GRID2: variants seen among roughly 807,000 people sequenced by gnomAD.
GRID2 encodes glutamate receptor ionotropic, delta-2.
Under a neutral mutation model 114.8 loss-of-function variants are expected in GRID2, and 33 were observed. The observed-to-expected ratio is 0.29, with a 90% CI of 0.22 to 0.38. GRID2 has a LOEUF of 0.38. Among genes scored for constraint, GRID2 ranks in the 10% least tolerant of loss-of-function variants. GRID2 has a pLI of 1.00. For missense variants in GRID2, 1,184 were observed against 1,257.7 expected, an observed-to-expected ratio of 0.94 and a Z score of 0.89; for synonymous variants, 505 against 449.9, an observed-to-expected ratio of 1.12 and a Z score of -1.55.
chr4:92,374,355 G>GA (rs1729257823), intron 1 of GRID2, among the ~76,000 whole-genome samples: 1 of 152,040 alleles, frequency 6.6e-6, no homozygotes, highest in African/African-American at 2.4e-5. Flanking sequence ...CTGTCAACCA[G>GA]AAAAAATTTT....
chr4:92,589,992 G>A (rs1259508880), intron 1 of GRID2, 139 bp from the exon 2 acceptor site: 40 of 605,730 alleles, frequency 6.6e-5, no homozygotes, highest in Middle Eastern at 3.5e-4. Flanking sequence ...CCAGTACAAT[G>A]TGTTTCATTA....
chr4:93,285,199 A>G (rs1753023941), intron 8 of GRID2, among the ~76,000 whole-genome samples: 2 of 152,158 alleles, frequency 1.3e-5, no homozygotes, highest in South Asian at 4.1e-4. Context: ...ATTCATGATG[A>G]CCTGAATAGT....
intron 2 of GRID2, among the ~76,000 whole-genome samples, chr4:92,897,418 TTTTG>T (rs1339071417): frequency 1.3e-5 from 2 of 152,168 alleles, no homozygotes; most frequent in Non-Finnish European, 2.9e-5. Flanking sequence ...AAAGTTCCTA[TTTTG>T]TTTGTTTTAA....
chr4:93,375,035 A>G lies in GRID2; in HGVS notation c.1246-20572A>G, dbSNP rs545812187. On this transcript the variant is annotated intron_variant, in intron 8 of 15. Coordinates refer to ENST00000282020, the MANE Select transcript of GRID2 (RefSeq NM_001510.4). ...TAACAACATTAGATTTGTACAGGGA[A>G]GGACCAGGGAATGGCATTCCAAAGC... Among the ~76,000 whole-genome samples, 146 of 152,236 alleles carry G rather than the reference A, an allele frequency of 9.6e-4. 2 individuals are homozygous for G. The highest frequency in any genetic ancestry group is 1.7e-3 in the Non-Finnish European group (116 of 68,014).
chr4:92,846,718 T>C (rs1743351516), intron 2 of GRID2, among the ~76,000 whole-genome samples: 1 of 152,120 alleles, frequency 6.6e-6, no homozygotes. Context: ...GTGAATTCTT[T>C]ACTCACCCTT....
At chr4:92,775,978 C>A (rs1038593620) in intron 2 of GRID2, among the ~76,000 whole-genome samples, 1 of 151,976 alleles carries the variant, frequency 6.6e-6, no homozygotes, top group African/African-American at 2.4e-5. Flanking sequence ...GATTGTCATA[C>A]GGAAGATAAT....
intron 10 of GRID2, among the ~76,000 whole-genome samples, chr4:93,426,056 A>G (rs1254293146): frequency 1.3e-5 from 2 of 152,176 alleles, no homozygotes; most frequent in Non-Finnish European, 2.9e-5. Context: ...AGGCTAGAGG[A>G]TCTAACCTAA....
intron 1 of GRID2, among the ~76,000 whole-genome samples, chr4:93,784,990 T>C (rs1047142683): frequency 2.0e-5 from 3 of 152,198 alleles, no homozygotes; most frequent in African/African-American, 7.2e-5. Flanking sequence ...GTTTTGGAAC[T>C]GAGCCTTGAA....
intron 2 of GRID2, among the ~76,000 whole-genome samples, chr4:93,057,204 T>C (rs1727339615): frequency 6.6e-6 from 1 of 151,088 alleles, no homozygotes; most frequent in Non-Finnish European, 1.5e-5. Context: ...GACAGAGATT[T>C]CTTAGACATC....
At position 93,238,419 on chromosome 4, in the gene GRID2, G is replaced by C; in HGVS notation, c.1174G>C (p.Gly392Arg). 6.2e-7 allele frequency: 1 copy of C among 1,606,640 alleles called. No homozygotes were observed. ...AGAGCTAGAATTTGGAGAAAATGGA[G>C]GCAATCCCAATGTCCACTTTGAAAT... The part of the protein sequence containing the change: ...TGELEFGENG[G>R]NPNVHFEILG... The change falls in exon 8 of 16, where the codon GGC becomes CGC. Residue 392 changes from glycine to arginine, a missense_variant. Gly to Arg is a moderately radical substitution (Grantham distance 125). Coordinates refer to ENST00000282020, the MANE Select transcript of GRID2 (RefSeq NM_001510.4).
intron 1 of GRID2, among the ~76,000 whole-genome samples, chr4:92,340,307 C>T (rs1464312952): frequency 6.6e-6 from 1 of 152,192 alleles, no homozygotes; most frequent in South Asian, 2.1e-4. Flanking sequence ...TATTCCTGCT[C>T]AGTCCAATCT....
At chr4:93,293,187 T>A (rs982055683) in intron 8 of GRID2, among the ~76,000 whole-genome samples, 1 of 151,990 alleles carries the variant, frequency 6.6e-6, no homozygotes, top group Non-Finnish European at 1.5e-5. Flanking sequence ...AGAAAAAAAA[T>A]TGTGAGGTAA....
intron 1 of GRID2, among the ~76,000 whole-genome samples, chr4:93,789,800 T>C (rs1162912435): frequency 3.9e-5 from 6 of 152,154 alleles, no homozygotes; most frequent in Admixed American, 3.9e-4. Flanking sequence ...TTAAGAAATA[T>C]ATGAACCTCT....
intron 14 of GRID2, among the ~76,000 whole-genome samples, chr4:93,735,331 T>C (rs956547355): frequency 6.6e-6 from 1 of 152,072 alleles, no homozygotes; most frequent in Non-Finnish European, 1.5e-5. Flanking sequence ...TTTTCTTTTT[T>C]GTCATTACCC....
chr4:92,765,305 A>T (rs1450605446), intron 2 of GRID2, among the ~76,000 whole-genome samples: 1 of 152,206 alleles, frequency 6.6e-6, no homozygotes, highest in Non-Finnish European at 1.5e-5. Flanking sequence ...GGAAGGTCAG[A>T]AACATAAAAG....
At chr4:92,832,818 A>T (rs1304909198) in intron 2 of GRID2, among the ~76,000 whole-genome samples, 3 of 152,126 alleles carry the variant, frequency 2.0e-5, no homozygotes, top group Admixed American at 2.0e-4. Context: ...AATGAAATCT[A>T]TTTAGTCCTG....
chr4:93,538,838 A>C (rs181203217), intron 13 of GRID2, among the ~76,000 whole-genome samples: 241 of 151,930 alleles, frequency 1.6e-3, no homozygotes, highest in Non-Finnish European at 2.7e-3. Context: ...AAGACATAAC[A>C]ACTAAATGTA....
chr4:93,453,783 T>C (rs1722937995), intron 10 of GRID2, among the ~76,000 whole-genome samples: 1 of 152,094 alleles, frequency 6.6e-6, no homozygotes, highest in Non-Finnish European at 1.5e-5. Context: ...GGTTGAGTCA[T>C]TAAATGTTTT....
intron 2 of GRID2, among the ~76,000 whole-genome samples, chr4:92,799,618 G>T (rs185149994): frequency 9.9e-5 from 15 of 151,952 alleles, no homozygotes; most frequent in Non-Finnish European, 1.6e-4. Flanking sequence ...CTTCTTAGAA[G>T]AACACCAATC....
Sources: allele counts gnomAD v4.1 joint callset (sites outside exome capture counted in the v4.1 genomes callset), GRCh38; gene constraint gnomAD v4.1.1; transcripts MANE v1.5; gene names NCBI Gene and HGNC (gene_info 2026-07-23, HGNC 2026-07-21).